Variants in VPS35L observed in about 807,000 individuals in gnomAD.
The protein encoded by VPS35L is VPS35 endosomal protein sorting factor like, also known as VPS35 endosomal protein-sorting factor-like.
A neutral mutation model predicts 133.0 loss-of-function variants in VPS35L; 83 were observed. The observed-to-expected ratio is 0.62, with a 90% CI of 0.52 to 0.75. The LOEUF is 0.75. Among genes scored for constraint, VPS35L ranks in the 30% least tolerant of loss-of-function variants. VPS35L has a pLI of 0.00. For synonymous variants in VPS35L, 423 were observed against 449.9 expected, an observed-to-expected ratio of 0.94 and a Z score of 0.76; for missense variants, 1,083 against 1,206.8, an observed-to-expected ratio of 0.90 and a Z score of 1.52.
intron 7 of VPS35L, among the ~76,000 whole-genome samples, chr16:19,587,723 T>TA (rs113909782): frequency 2.4e-3 from 359 of 151,460 alleles, no homozygotes; most frequent in African/African-American, 8.3e-3. Flanking sequence ...ACCATAAATG[T>TA]AAGAGTTTAT....
At chr16:19,572,993 T>A (rs1386316351) in intron 3 of VPS35L, 126 bp from the exon 4 acceptor site, 1 of 1,134,352 alleles carries the variant, frequency 8.8e-7, no homozygotes, top group Non-Finnish European at 1.2e-6. Context: ...TTTTTTATGA[T>A]AGTAAACCTT....
intron 14 of VPS35L, among the ~76,000 whole-genome samples, chr16:19,625,692 G>C (rs1431502357): frequency 1.3e-5 from 2 of 152,010 alleles, no homozygotes; most frequent in Non-Finnish European, 2.9e-5. Context: ...TTGATTGATT[G>C]AGACAGGGTC....
chr16:19,691,783 G>A (rs1009343555), intron 29 of VPS35L, among the ~76,000 whole-genome samples: 4 of 151,096 alleles, frequency 2.6e-5, no homozygotes, highest in African/African-American at 9.9e-5. Flanking sequence ...GATTGTCCCT[G>A]TAGCGCCTGT....
intron 9 of VPS35L, among the ~76,000 whole-genome samples, chr16:19,606,075 A>G (rs1387178019): frequency 1.3e-5 from 2 of 152,206 alleles, no homozygotes; most frequent in Non-Finnish European, 2.9e-5. Flanking sequence ...AAGCCTAAAG[A>G]TTCTGTATTG....
chr16:19,612,324 G>A (rs1014444540), intron 12 of VPS35L, among the ~76,000 whole-genome samples: 42 of 152,212 alleles, frequency 2.8e-4, no homozygotes, highest in African/African-American at 9.9e-4. Flanking sequence ...TGCAATCTCA[G>A]CTCACTGCAA....
chr16:19,691,111 AC>A lies in VPS35L; in HGVS notation c.2528-241del, dbSNP rs1280264902. ...ATTAATGTCACCCCCGCTCCCCGCC[AC>A]GCACACATGGGCTAGAGGGGTGACT... On this transcript the variant is annotated intron_variant, in intron 28 of 30. Coordinates refer to ENST00000417362, the MANE Select transcript of VPS35L (RefSeq NM_020314.7). Among the ~76,000 whole-genome samples the A allele has an allele frequency of 9.8e-5, 15 of 152,340 alleles. No homozygotes were observed. In the East Asian group the frequency reaches 2.7e-3, roughly 27 times the overall value.
rs751212926 is a variant in VPS35L at position 19,683,293 on chromosome 16, A to G, written c.2527+903A>G. ...GAACATCAGACCAGTCTGGAGAAAC[A>G]CTGTTTAAAAAAATAATTATAATAA... On this transcript the variant is annotated intron_variant, in intron 28 of 30. Transcript: ENST00000417362. 6.6e-5 allele frequency among the ~76,000 whole-genome samples: 10 copies of G among 152,208 alleles called. 1 individual carries two copies. Among genetic ancestry groups the G allele is most frequent in the Non-Finnish European group, 8.8e-5 (6 of 68,038 alleles).
At chr16:19,652,186 C>CT in intron 26 of VPS35L, 96 bp downstream of exon 26, 3 of 909,608 alleles carry the variant, frequency 3.3e-6, no homozygotes, top group Non-Finnish European at 5.2e-6. Context: ...ACAAAGATTT[C>CT]TTTTTTTAGA....
At chr16:19,645,677 C>T (rs534380204) in intron 23 of VPS35L, among the ~76,000 whole-genome samples, 1 of 152,198 alleles carries the variant, frequency 6.6e-6, no homozygotes, top group Non-Finnish European at 1.5e-5. Flanking sequence ...TCCATCCCCC[C>T]CAGCTCTGCA....
intron 2 of VPS35L, among the ~76,000 whole-genome samples, chr16:19,568,945 G>C (rs1567386689): frequency 6.6e-6 from 1 of 152,064 alleles, no homozygotes; most frequent in Non-Finnish European, 1.5e-5. Flanking sequence ...GCACCCAGTA[G>C]AAAACTTAAC....
intron 18 of VPS35L, among the ~76,000 whole-genome samples, chr16:19,632,266 T>C (rs1164578435): frequency 6.6e-6 from 1 of 152,166 alleles, no homozygotes; most frequent in African/African-American, 2.4e-5. Flanking sequence ...CCCAGCCGAG[T>C]TACTAATTAT....
intron 14 of VPS35L, among the ~76,000 whole-genome samples, chr16:19,624,104 G>A (rs1054900551): frequency 7.4e-6 from 1 of 136,032 alleles, no homozygotes; most frequent in African/African-American, 2.7e-5. Flanking sequence ...GTGCCTACCA[G>A]GTCTTTTTTT....
At chr16:19,568,298 G>GCC (rs375359764) in intron 2 of VPS35L, among the ~76,000 whole-genome samples, 3 of 148,366 alleles carry the variant, frequency 2.0e-5, no homozygotes, top group African/African-American at 5.0e-5. Context: ...TCTTCAAACC[G>GCC]CCCCCCCCTT....
intron 1 of VPS35L, among the ~76,000 whole-genome samples, chr16:19,560,973 T>C (rs1324172076): frequency 1.3e-5 from 2 of 151,980 alleles, no homozygotes; most frequent in Non-Finnish European, 2.9e-5. Flanking sequence ...TCATAGGTGA[T>C]TTCAATTGCA....
chr16:19,583,065 G>A (rs1252156859), intron 7 of VPS35L, among the ~76,000 whole-genome samples: 1 of 152,008 alleles, frequency 6.6e-6, no homozygotes, highest in Non-Finnish European at 1.5e-5. Context: ...GTGTGTGTTG[G>A]GGGGGTACCC....
intron 7 of VPS35L, among the ~76,000 whole-genome samples, chr16:19,591,160 G>C (rs1485737412): frequency 2.0e-5 from 3 of 152,094 alleles, no homozygotes; most frequent in South Asian, 2.1e-4. Context: ...TAAATAATCA[G>C]TGTGAGTTTA....
At chr16:19,609,523 G>A (rs1342591448) in intron 11 of VPS35L, among the ~76,000 whole-genome samples, 2 of 152,212 alleles carry the variant, frequency 1.3e-5, no homozygotes, top group Admixed American at 1.3e-4. Context: ...TTTGCCCTTA[G>A]TGGCTTAGGT....
In VPS35L at chr16:19,592,939, G is replaced by GC. The variant is rs556716592; in HGVS notation, c.724+1067dup. 4.6e-5 allele frequency among the ~76,000 whole-genome samples: 7 copies of GC among 151,968 alleles called. 1 individual carries two copies. Among genetic ancestry groups the GC allele is most frequent in the South Asian group, 2.1e-4 (1 of 4,826 alleles). On this transcript the variant is annotated intron_variant, in intron 8 of 30. Transcript: ENST00000417362. ...GACCTCAAGTGATCTGCCCTCCTCG[G>GC]CCTCCCTAAGTGCTAGGATGACAGG... is the stretch of plus-strand genomic sequence containing the variant.
chr16:19,561,288 A>G (rs1465573697), intron 1 of VPS35L, among the ~76,000 whole-genome samples: 1 of 151,906 alleles, frequency 6.6e-6, no homozygotes, highest in Non-Finnish European at 1.5e-5. Flanking sequence ...GGAGAATGGC[A>G]TGAACCTGGG....
Sources: gnomAD v4.1 joint callset for allele counts (sites outside exome capture counted in the v4.1 genomes callset) on GRCh38, gnomAD v4.1.1 for gene constraint, MANE v1.5 for transcripts, NCBI Gene and HGNC (gene_info 2026-07-23, HGNC 2026-07-21) for gene names.